CTTNBP2: variants seen among roughly 807,000 people sequenced by gnomAD.
CTTNBP2 encodes the protein cortactin binding protein 2, also known as cortactin-binding protein 2.
A neutral mutation model predicts 156.9 loss-of-function variants in CTTNBP2; 108 were observed. The observed-to-expected ratio is 0.69, with a 90% confidence interval of 0.59 to 0.81. The LOEUF (loss-of-function observed/expected upper bound fraction) is 0.81, where lower values mean the gene tolerates loss of function less well. Ranked by LOEUF, CTTNBP2 falls within the 30% of genes least tolerant of loss-of-function variation. The pLI, the probability that CTTNBP2 is intolerant of heterozygous loss-of-function variation, is 0.00. For missense variants in CTTNBP2, 1,924 were observed against 2,035.4 expected, an observed-to-expected ratio of 0.95 and a Z score of 1.05; for synonymous variants, 767 against 751.8, an observed-to-expected ratio of 1.02 and a Z score of -0.33.
chr7:117,830,500 T>G (rs1462926710), intron 2 of CTTNBP2, among the ~76,000 whole-genome samples: 1 of 152,202 alleles, frequency 6.6e-6, no homozygotes, highest in Non-Finnish European at 1.5e-5. Context: ...GCGTCTGGCA[T>G]TCCTAATCTT....
At position 117,791,212 on chromosome 7, in the gene CTTNBP2, T is replaced by C. The variant is rs753309451; in HGVS notation, c.1984A>G (p.Ile662Val). Residue 662 changes from isoleucine (I) to valine (V), a missense_variant, in exon 4 of 23, where the codon ATT (isoleucine) becomes GTT (valine). By Grantham distance (29) the Ile-to-Val change is conservative. Transcript: ENST00000160373. Reference sequence around the variant, plus strand: ...GGGTTTATGGAAGAGCAAAAGGCAATGGTGGTAGGAATGACAAGGGAACTG... The same window carrying C: ...GGGTTTATGGAAGAGCAAAAGGCAACGGTGGTAGGAATGACAAGGGAACTG... ...SDSSLVIPTT[I>V]AFCSSINPVS... 1.2e-6 allele frequency: 2 copies of C among 1,613,778 alleles called. No individual in the cohort carries two copies. Among genetic ancestry groups the C allele is most frequent in the Non-Finnish European group, 1.7e-6 (2 of 1,179,922 alleles).
At chr7:117,793,402 T>C (rs7781185) in intron 3 of CTTNBP2, 36,359 of 152,198 alleles carry the variant, frequency 0.24, 7,250 homozygotes, top group African/African-American at 0.55. Context: ...TCAGTGAACC[T>C]GGAGCCTGAC....
chr7:117,863,847 C>A (rs549865094), intron 1 of CTTNBP2, among the ~76,000 whole-genome samples: 1 of 152,268 alleles, frequency 6.6e-6, no homozygotes, highest in Admixed American at 6.5e-5. Context: ...CCAATAAACT[C>A]AGTTTATTCA....
At chr7:117,775,947 T>C (rs1798074746) in intron 8 of CTTNBP2, among the ~76,000 whole-genome samples, 1 of 152,142 alleles carries the variant, frequency 6.6e-6, no homozygotes, top group African/African-American at 2.4e-5. Flanking sequence ...CAGACTGAAT[T>C]GAATCATGCC....
Position 117,792,195 on chromosome 7 carries a change from C to T in CTTNBP2, c.1001G>A (p.Ser334Asn). 6.2e-7 allele frequency: 1 copy of T among 1,614,168 alleles called. No homozygotes were observed. The highest frequency in any genetic ancestry group is 8.5e-7 in the Non-Finnish European group (1 of 1,180,038). ...TTTTGCATTTGCAGAAACTAGGGGA[C>T]TCCCTGTGGAAGGTTTTACAGGCAT... is the stretch of plus-strand genomic sequence containing the variant. ...LTMPVKPSTG[S>N]PLVSANAKGS... The change falls in exon 4 of 23, where the codon AGT becomes AAT. Residue 334 changes from serine to asparagine, a missense_variant. Physicochemically the swap from Ser to Asn is conservative, Grantham distance 46. Transcript: ENST00000160373. This position sits in a 1 kb window ranked among gnomAD's most constrained non-coding sequence, Gnocchi z 4.2.
intron 22 of CTTNBP2, among the ~76,000 whole-genome samples, chr7:117,712,146 A>G (rs1794096366): frequency 6.6e-6 from 1 of 152,146 alleles, no homozygotes; most frequent in Non-Finnish European, 1.5e-5. Context: ...TGGGTAAATC[A>G]CCTAACTTTT....
chr7:117,795,441 T>C (rs1799265050), intron 3 of CTTNBP2, among the ~76,000 whole-genome samples: 1 of 152,148 alleles, frequency 6.6e-6, no homozygotes, highest in African/African-American at 2.4e-5. Flanking sequence ...AAAATACAAA[T>C]TTCATCATTT....
chr7:117,829,358 T>TCAGCTTCTGCC (rs938593170), intron 2 of CTTNBP2, among the ~76,000 whole-genome samples: 3 of 152,248 alleles, frequency 2.0e-5, no homozygotes, highest in Admixed American at 2.0e-4. Flanking sequence ...ACTAAGGTCC[T>TCAGCTTCTGCC]CAGCTTCTGC....
intron 6 of CTTNBP2, among the ~76,000 whole-genome samples, chr7:117,781,162 C>A (rs542054280): frequency 4.6e-5 from 7 of 152,294 alleles, no homozygotes; most frequent in African/African-American, 1.7e-4. Context: ...GATAGCTAAG[C>A]AGAAACTCAC....
At chr7:117,850,450 T>C (rs976355310) in intron 2 of CTTNBP2, among the ~76,000 whole-genome samples, 7 of 151,952 alleles carry the variant, frequency 4.6e-5, no homozygotes, top group Non-Finnish European at 8.8e-5. Context: ...GACAGATAAA[T>C]AGGAGAGACT....
intron 9 of CTTNBP2, among the ~76,000 whole-genome samples, chr7:117,761,917 C>T (rs1797237837): frequency 6.6e-6 from 1 of 152,118 alleles, no homozygotes; most frequent in South Asian, 2.1e-4. Context: ...TTAGATTTTT[C>T]CATTAAGTAA....
chr7:117,752,615 T>C (rs918532006), intron 12 of CTTNBP2, among the ~76,000 whole-genome samples: 4 of 152,196 alleles, frequency 2.6e-5, no homozygotes, highest in African/African-American at 9.6e-5. Context: ...TGTGGTTTTC[T>C]GCATAAGGGT....
At chr7:117,780,302 G>T (rs1463271740) in intron 7 of CTTNBP2, 139 bp downstream of exon 7, 5 of 546,092 alleles carry the variant, frequency 9.2e-6, no homozygotes, top group Non-Finnish European at 1.2e-5. Context: ...TCAAACAAGG[G>T]TCAGACACTT....
intron 5 of CTTNBP2, among the ~76,000 whole-genome samples, chr7:117,783,472 A>G (rs1798541526): frequency 6.6e-6 from 1 of 152,250 alleles, no homozygotes; most frequent in Admixed American, 6.5e-5. Context: ...AGGACAGCCC[A>G]TCGAAAGTCA....
At chr7:117,760,139 G>A (rs554229588) in intron 10 of CTTNBP2, 3 of 411,432 alleles carry the variant, frequency 7.3e-6, no homozygotes, top group South Asian at 3.4e-5. Context: ...AAGCAGCTGT[G>A]GGGTGTTTAG....
intron 3 of CTTNBP2, among the ~76,000 whole-genome samples, chr7:117,808,606 AT>A (rs1309817889): frequency 6.6e-6 from 1 of 152,254 alleles, no homozygotes; most frequent in African/African-American, 2.4e-5. Context: ...GATATGACCG[AT>A]GTCAGATAAT....
At chr7:117,762,186 T>A (rs998166517) in intron 9 of CTTNBP2, among the ~76,000 whole-genome samples, 2 of 152,206 alleles carry the variant, frequency 1.3e-5, no homozygotes, top group Non-Finnish European at 2.9e-5. Context: ...TCCAGTCCCA[T>A]GACTTTAAAT....
Position 117,794,875 on chromosome 7 carries a change from A to AGCT in CTTNBP2, c.415-2095_415-2094insAGC, listed in dbSNP as rs1563015542. Among the ~76,000 whole-genome samples, 79 of 124,092 alleles carry AGCT rather than the reference A, an allele frequency of 6.4e-4. 3 individuals are homozygous for AGCT. The highest frequency in any genetic ancestry group is 2.5e-3 in the African/African-American group (74 of 29,178). 81.4% of individuals were successfully genotyped at this position (124,092 alleles called of 152,430 possible). A position where few individuals can be genotyped will look rare whatever the true frequency, so the allele number is the denominator to read the frequency against. ...TGTCATATACTGTTTTTATATGTAT[A>AGCT]TCTTTTTTTTTTTTTTTTTTTTTTT... On this transcript the variant is annotated intron_variant, in intron 3 of 22. Transcript: ENST00000160373.
Position 117,718,017 on chromosome 7 carries a change from C to G in CTTNBP2, c.4746+1G>C. On this transcript the variant is annotated splice_donor_variant, in intron 22 of 22. Coordinates refer to ENST00000160373, the MANE Select transcript of CTTNBP2 (RefSeq NM_033427.3). LOFTEE classifies it high-confidence loss of function. ...CACTTTGGGGAGAAAGGGACACTTA[C>G]CTTTTGTGACACTGGCATTCTCAGA... 6.3e-7 allele frequency: 1 copy of G among 1,587,588 alleles called. No individual in the cohort carries two copies. The highest frequency in any genetic ancestry group is 8.7e-7 in the Non-Finnish European group (1 of 1,155,980).
Sources: gnomAD v4.1 joint callset for allele counts (sites outside exome capture counted in the v4.1 genomes callset) on GRCh38, gnomAD v4.1.1 for gene constraint, Gnocchi (gnomAD v3.1) non-coding constraint, MANE v1.5 for transcripts, NCBI Gene and HGNC (gene_info 2026-07-23, HGNC 2026-07-21) for gene names.